DEPDC5: variants seen among roughly 807,000 people sequenced by gnomAD.
DEPDC5 encodes DEP domain containing 5, GATOR1 subcomplex subunit, also known as GATOR1 complex protein DEPDC5.
In DEPDC5, 73 loss-of-function variants were observed where a neutral mutation model predicts 217.3. The observed-to-expected ratio is 0.34, with a 90% CI of 0.28 to 0.41. DEPDC5 has a LOEUF of 0.41. Ranked by LOEUF, DEPDC5 falls within the 10% of genes least tolerant of loss-of-function variation. The pLI, the probability that DEPDC5 is intolerant of heterozygous loss-of-function variation, is 1.00. For synonymous variants in DEPDC5, 733 were observed against 756.7 expected (o/e 0.97, Z 0.51); for missense variants, 1,675 against 2,070.1 (o/e 0.81, Z 3.70).
intron 27 of DEPDC5, 99 bp downstream of exon 27, chr22:31,838,944 C>A (rs1034469495): frequency 1.5e-6 from 2 of 1,291,152 alleles, no homozygotes; most frequent in South Asian, 1.7e-5. Context: ...TAGTAGTAAT[C>A]GTTTTCGACA....
intron 27 of DEPDC5, among the ~76,000 whole-genome samples, chr22:31,841,500 G>C (rs1453188182): frequency 1.3e-5 from 2 of 152,220 alleles, no homozygotes; most frequent in Non-Finnish European, 2.9e-5. Flanking sequence ...TCCACAGTGT[G>C]GGAGTGAGCT....
intron 7 of DEPDC5, among the ~76,000 whole-genome samples, chr22:31,774,427 G>A (rs528018817): frequency 2.0e-5 from 3 of 151,778 alleles, no homozygotes; most frequent in Non-Finnish European, 2.9e-5. Context: ...TTGAACTCCC[G>A]ACCTCAGGTA....
At chr22:31,826,074 T>C (rs1476442528) in intron 24 of DEPDC5, among the ~76,000 whole-genome samples, 1 of 152,088 alleles carries the variant, frequency 6.6e-6, no homozygotes, top group East Asian at 1.9e-4. Flanking sequence ...TGGTGCGATC[T>C]CAGCTCTCTG....
In DEPDC5 at chr22:31,759,676, C is replaced by A. The variant is rs912703228; in HGVS notation, c.147-980C>A. ...CATGAGCTACCTTGCCGCGCCCAGC[C>A]TTTTTTTTTTTTTTTTTTTTTTAAG... On this transcript the variant is annotated intron_variant, in intron 3 of 42. Coordinates refer to ENST00000651528, the MANE Select transcript of DEPDC5 (RefSeq NM_001242896.3). Among the ~76,000 whole-genome samples the A allele has an allele frequency of 4.2e-5, 4 of 94,964 alleles. No individual in the cohort carries two copies. The South Asian group carries it at 1.1e-3, about 27-fold the overall frequency. 62.3% of individuals were successfully genotyped at this position (94,964 alleles called of 152,430 possible). A position where few individuals can be genotyped will look rare whatever the true frequency, so the allele number is the denominator to read the frequency against.
chr22:31,905,016 G>A (rs2093731300), intron 41 of DEPDC5, among the ~76,000 whole-genome samples: 1 of 152,028 alleles, frequency 6.6e-6, no homozygotes, highest in African/African-American at 2.4e-5. Context: ...TAGAGGGCAG[G>A]AGCCACATCT....
chr22:31,837,378 T>A, intron 26 of DEPDC5: 1 of 572,252 alleles, frequency 1.7e-6, no homozygotes, highest in Non-Finnish European at 3.0e-6. Flanking sequence ...TGAGAGAGGG[T>A]CTCACTCTGT....
chr22:31,834,498 A>T (rs2148929048), intron 25 of DEPDC5, among the ~76,000 whole-genome samples: 1 of 150,216 alleles, frequency 6.7e-6, no homozygotes, highest in African/African-American at 2.4e-5. Flanking sequence ...GATGTATATC[A>T]CTGAGTCTTT....
rs2093651019 is a variant in DEPDC5 at position 31,901,673 on chromosome 22, A to G, written c.4376-69A>G. On this transcript the variant is annotated intron_variant, in intron 40 of 42. Coordinates refer to ENST00000651528, the MANE Select transcript of DEPDC5 (RefSeq NM_001242896.3). ...TTGCCAAGAGTAGTAAAGGGTACAGAAGACTGGCCCAGAGAGAATTACAAA... is the reference window on the plus strand; with the variant it reads ...TTGCCAAGAGTAGTAAAGGGTACAGGAGACTGGCCCAGAGAGAATTACAAA... The G allele has an allele frequency of 2.2e-6, 3 of 1,388,248 alleles. No individual in the cohort carries two copies. The South Asian group carries it at 3.7e-5, about 17-fold the overall frequency. 86.0% of individuals were successfully genotyped at this position (1,388,248 alleles called of 1,614,324 possible).
chr22:31,874,314 C>A lies in DEPDC5; in HGVS notation c.3605C>A (p.Pro1202Gln). ...QLLSEQKGLSPYCFISAEVVH... is the reference protein window; with the variant it reads ...QLLSEQKGLSQYCFISAEVVH... ...CTCTCTGAACAGAAGGGCCTCTCACCGTACTGCTTCATCAGCGCGGAGGTG... is the reference window on the plus strand; with the variant it reads ...CTCTCTGAACAGAAGGGCCTCTCACAGTACTGCTTCATCAGCGCGGAGGTG... The change falls in exon 36 of 43, where the codon CCG becomes CAG. Residue 1202 changes from proline (P) to glutamine (Q), a missense_variant. This residue lies in a region of DEPDC5 where 194 missense variants were observed against 199.3 expected (regional missense o/e 0.97). Coordinates refer to ENST00000651528, the MANE Select transcript of DEPDC5 (RefSeq NM_001242896.3). 1 of 1,609,046 alleles carries A rather than the reference C, an allele frequency of 6.2e-7. No homozygotes were observed. The highest frequency in any genetic ancestry group is 2.2e-5 in the East Asian group (1 of 44,658).
At chr22:31,859,116 A>T (rs1450916708) in intron 32 of DEPDC5, 1 of 98,118 alleles carries the variant, frequency 1.0e-5, no homozygotes, top group Non-Finnish European at 1.8e-5. Flanking sequence ...TTTGAGACGG[A>T]GTCTCACTCT....
At chr22:31,883,475 G>A (rs2093231208) in intron 38 of DEPDC5, among the ~76,000 whole-genome samples, 1 of 152,170 alleles carries the variant, frequency 6.6e-6, no homozygotes, top group Admixed American at 6.5e-5. Flanking sequence ...AGTGGTGGTT[G>A]CTTCAGTCTT....
chr22:31,756,171 C>A (rs908572718), intron 2 of DEPDC5, among the ~76,000 whole-genome samples: 5 of 151,944 alleles, frequency 3.3e-5, no homozygotes, highest in African/African-American at 1.2e-4. Flanking sequence ...GCAAGAGCCA[C>A]CGCGCTGGCA....
At chr22:31,901,195 A>G (rs1327618188) in intron 40 of DEPDC5, among the ~76,000 whole-genome samples, 1 of 151,432 alleles carries the variant, frequency 6.6e-6, no homozygotes, top group East Asian at 1.9e-4. Context: ...GTGAGCCAAG[A>G]TCGCACCACT....
chr22:31,905,035 G>A (rs1248200492), intron 41 of DEPDC5, among the ~76,000 whole-genome samples: 4 of 151,942 alleles, frequency 2.6e-5, no homozygotes, highest in African/African-American at 4.8e-5. Flanking sequence ...CTGTTACCAC[G>A]TCCTTTACAG....
intron 13 of DEPDC5, 45 bp from the exon 14 acceptor site, chr22:31,798,537 A>G (rs1224734662): frequency 2.6e-6 from 4 of 1,551,282 alleles, no homozygotes; most frequent in Non-Finnish European, 3.5e-6. Context: ...AAAAAAGTTC[A>G]TGTTTCATGA....
chr22:31,754,460 G>A (rs947120584), intron 1 of DEPDC5, among the ~76,000 whole-genome samples: 1 of 152,272 alleles, frequency 6.6e-6, no homozygotes, highest in African/African-American at 2.4e-5. Flanking sequence ...TAAGTCTCGA[G>A]TGACCTTGAG....
chr22:31,778,902 G>T (rs2084151252), intron 8 of DEPDC5, among the ~76,000 whole-genome samples: 2 of 152,138 alleles, frequency 1.3e-5, no homozygotes, highest in South Asian at 4.1e-4. Flanking sequence ...AGACATATTT[G>T]GTTGTCACAA....
chr22:31,756,881 A>T (rs749686086), intron 2 of DEPDC5, among the ~76,000 whole-genome samples: 3 of 151,856 alleles, frequency 2.0e-5, no homozygotes, highest in Non-Finnish European at 4.4e-5. Flanking sequence ...AGATCATGCC[A>T]CTACACTCCA....
At chr22:31,852,049 G>A (rs1327473084) in intron 31 of DEPDC5, among the ~76,000 whole-genome samples, 2 of 152,108 alleles carry the variant, frequency 1.3e-5, no homozygotes, top group Non-Finnish European at 2.9e-5. Flanking sequence ...CTAGAGTGGT[G>A]GTGAATGCTG....
Sources: gnomAD v4.1 joint callset for allele counts (sites outside exome capture counted in the v4.1 genomes callset) on GRCh38, gnomAD v4.1.1 for gene constraint, gnomAD v4.1.1 regional missense constraint, MANE v1.5 for transcripts, NCBI Gene and HGNC (gene_info 2026-07-23, HGNC 2026-07-21) for gene names.